Variants in WRN observed in about 807,000 individuals in gnomAD.
WRN encodes the protein WRN RecQ like helicase, also known as bifunctional 3'-5' exonuclease/ATP-dependent helicase WRN.
In WRN, 149 loss-of-function variants were observed where a neutral mutation model predicts 180.7. The ratio of observed to expected loss-of-function variants is 0.82; its 90% CI spans 0.72 to 0.94. WRN has a LOEUF of 0.94. Ranked by LOEUF, WRN falls within the 40% of genes least tolerant of loss-of-function variation. The pLI is 0.00. For synonymous variants in WRN, 548 were observed against 568.9 expected (o/e 0.96, Z 0.52); for missense variants, 1,661 against 1,700.1 (o/e 0.98, Z 0.40).
chr8:31,101,101 A>G (rs566948365), intron 18 of WRN, 146 bp downstream of exon 18: 76 of 727,612 alleles, frequency 1.0e-4, no homozygotes, highest in South Asian at 9.1e-4. Context: ...TAAAAATGCT[A>G]AAGTTGGTAT....
intron 26 of WRN, 71 bp from the exon 27 acceptor site, chr8:31,142,555 G>A (rs1802683007): frequency 6.1e-6 from 7 of 1,155,524 alleles, no homozygotes; most frequent in Non-Finnish European, 8.7e-6. Flanking sequence ...TCTGAGAATG[G>A]AGTATCATGA....
intron 23 of WRN, among the ~76,000 whole-genome samples, chr8:31,130,561 T>C (rs1236270764): frequency 6.6e-6 from 1 of 151,880 alleles, no homozygotes. Flanking sequence ...AGGTTTATAA[T>C]CTTTTTGTCA....
At chr8:31,047,327 GA>G (rs1242536648) in intron 1 of WRN, among the ~76,000 whole-genome samples, 1 of 151,902 alleles carries the variant, frequency 6.6e-6, no homozygotes, top group Non-Finnish European at 1.5e-5. Context: ...ATTTTTTGTA[GA>G]GATAGTATTC....
At chr8:31,161,862 A>G (rs935655441) in intron 33 of WRN, among the ~76,000 whole-genome samples, 2 of 145,274 alleles carry the variant, frequency 1.4e-5, no homozygotes, top group East Asian at 2.0e-4. Flanking sequence ...AAAAAGAGAT[A>G]AAAAGGTACA....
chr8:31,127,296 G>A (rs1383994623), intron 23 of WRN, among the ~76,000 whole-genome samples: 1 of 152,160 alleles, frequency 6.6e-6, no homozygotes. Flanking sequence ...ATAGTACAAG[G>A]CAGTATTTTG....
intron 23 of WRN, among the ~76,000 whole-genome samples, chr8:31,128,845 C>T (rs905238034): frequency 7.2e-5 from 11 of 151,954 alleles, no homozygotes; most frequent in African/African-American, 1.9e-4. Flanking sequence ...GGCAACAGAG[C>T]GAGACTCTGT....
chr8:31,076,652 A>G (rs1485976955), intron 8 of WRN, among the ~76,000 whole-genome samples: 1 of 152,208 alleles, frequency 6.6e-6, no homozygotes, highest in Non-Finnish European at 1.5e-5. Context: ...GTTAATGAGT[A>G]TCTTTGATTT....
At chr8:31,116,232 C>G in intron 19 of WRN, 122 bp from the exon 20 acceptor site, 1 of 984,622 alleles carries the variant, frequency 1.0e-6, no homozygotes. Flanking sequence ...TTTTGATAGG[C>G]TTTCTTCCTT....
intron 21 of WRN, among the ~76,000 whole-genome samples, chr8:31,124,119 A>C (rs938347814): frequency 2.6e-5 from 4 of 152,136 alleles, no homozygotes; most frequent in Admixed American, 1.3e-4. Context: ...TTCTCATACA[A>C]AATAAAATAA....
At chr8:31,048,521 G>A (rs1406900031) in intron 1 of WRN, among the ~76,000 whole-genome samples, 4 of 152,072 alleles carry the variant, frequency 2.6e-5, no homozygotes, top group African/African-American at 9.7e-5. Context: ...CTGTGTGTGT[G>A]TATATATATG....
intron 1 of WRN, among the ~76,000 whole-genome samples, chr8:31,053,835 T>G (rs1812166612): frequency 6.6e-6 from 1 of 152,224 alleles, no homozygotes; most frequent in Admixed American, 6.5e-5. Flanking sequence ...AAAGTCAGTG[T>G]GTCTGTGACA....
In WRN at chr8:31,111,638, T is replaced by C. The variant is rs745506503; in HGVS notation, c.2112T>C (p.Ala704=). ...AGGTTCCAATCGTTGCACTTACTGC[T>C]ACTGCAAGTTCTTCAATCCGGGAAG... is the stretch of plus-strand genomic sequence containing the variant. The part of the protein sequence containing the change: ...LPMVPIVALT[A]TASSSIREDI... The change falls in exon 19 of 35, where the codon GCT becomes GCC. Residue 704 remains alanine (A), a synonymous_variant. Coordinates refer to ENST00000298139, the MANE Select transcript of WRN (RefSeq NM_000553.6). The C allele has an allele frequency of 1.2e-6, 2 of 1,614,076 alleles. No homozygotes were observed. Among genetic ancestry groups the C allele is most frequent in the South Asian group, 2.2e-5 (2 of 91,080 alleles).
chr8:31,096,721 C>A, intron 16 of WRN, 47 bp from the exon 17 acceptor site: 1 of 1,389,022 alleles, frequency 7.2e-7, no homozygotes, highest in South Asian at 1.2e-5. Flanking sequence ...AATATGTTTC[C>A]CTTCCTGTTT....
At position 31,037,891 on chromosome 8, in the gene WRN, A is replaced by G. The variant is rs1215305588; in HGVS notation, c.-77+3918A>G. 3.9e-5 allele frequency among the ~76,000 whole-genome samples: 6 copies of G among 152,146 alleles called. No homozygotes were observed. In the East Asian group the frequency reaches 1.2e-3, roughly 29 times the overall value. ...GTCTTTTGTGAGGATAATGTTTTCA[A>G]GGTTCACCCATGTTGTGGCATGTAT... On this transcript the variant is annotated intron_variant, in intron 1 of 34. Coordinates refer to ENST00000298139, the MANE Select transcript of WRN (RefSeq NM_000553.6).
chr8:31,155,517 G>A (rs1489193355), intron 32 of WRN, among the ~76,000 whole-genome samples: 5 of 151,688 alleles, frequency 3.3e-5, no homozygotes, highest in Admixed American at 6.6e-5. Flanking sequence ...AGATACTTGG[G>A]AGGCGGAGAC....
chr8:31,071,262 C>CA (rs778226322), intron 7 of WRN, among the ~76,000 whole-genome samples: 8 of 151,850 alleles, frequency 5.3e-5, no homozygotes, highest in Non-Finnish European at 1.0e-4. Flanking sequence ...TATCTCCTCC[C>CA]AAGAGCAATC....
intron 31 of WRN, among the ~76,000 whole-genome samples, chr8:31,152,042 A>G (rs1049463508): frequency 5.9e-5 from 9 of 152,120 alleles, no homozygotes; most frequent in African/African-American, 1.9e-4. Context: ...ACATTTTTTG[A>G]GAATTTTGAG....
chr8:31,060,955 GT>G (rs1812465334), intron 3 of WRN, among the ~76,000 whole-genome samples: 2 of 152,168 alleles, frequency 1.3e-5, no homozygotes, highest in South Asian at 4.1e-4. Flanking sequence ...TGTGGTTGGT[GT>G]TTATTTGGCT....
chr8:31,172,746 G>T lies in WRN; in HGVS notation c.4192-249G>T, dbSNP rs1487774577. Among the ~76,000 whole-genome samples, 3 of 152,208 alleles carry T rather than the reference G, an allele frequency of 2.0e-5. No individual in the cohort carries two copies. In the East Asian group the frequency reaches 5.8e-4, roughly 29 times the overall value. On this transcript the variant is annotated intron_variant, in intron 34 of 34. Coordinates refer to ENST00000298139, the MANE Select transcript of WRN (RefSeq NM_000553.6). ...TCCAGATTTTTACTTACTGAATGAG[G>T]TGTGTTGAGTGTATAAGACTACATG...
Sources: gnomAD v4.1 joint callset for allele counts (sites outside exome capture counted in the v4.1 genomes callset) on GRCh38, gnomAD v4.1.1 for gene constraint, MANE v1.5 for transcripts, NCBI Gene and HGNC (gene_info 2026-07-23, HGNC 2026-07-21) for gene names.